The following COL4A4 variants were observed in gnomAD, a reference collection of about 807,000 sequenced individuals.
COL4A4 encodes collagen type IV alpha 4 chain.
In COL4A4, 105 loss-of-function variants were observed where a neutral mutation model predicts 192.9. The ratio of observed to expected loss-of-function variants is 0.54; its 90% CI spans 0.46 to 0.64. The LOEUF (loss-of-function observed/expected upper bound fraction) is 0.64. Ranked by LOEUF, COL4A4 falls within the 30% of genes least tolerant of loss-of-function variation. The pLI is 0.00. For synonymous variants in COL4A4, 762 were observed against 769.9 expected (o/e 0.99, Z 0.17); for missense variants, 1,967 against 2,169.3 (o/e 0.91, Z 1.85).
intron 37 of COL4A4, among the ~76,000 whole-genome samples, chr2:227,040,228 A>T (rs1970499760): frequency 6.6e-6 from 1 of 152,214 alleles, no homozygotes; most frequent in Non-Finnish European, 1.5e-5. Context: ...TATACGTATG[A>T]GTCAATGAGC....
At chr2:226,971,215 C>G in the COL4A4 span, among the ~76,000 whole-genome samples, 1 of 152,192 alleles carries the variant, frequency 6.6e-6, no homozygotes, top group South Asian at 2.1e-4. Flanking sequence ...TCCTGTTTCC[C>G]TCCTCACACC....
chr2:227,053,938 C>A (rs1366443715), intron 31 of COL4A4, among the ~76,000 whole-genome samples: 1 of 152,116 alleles, frequency 6.6e-6, no homozygotes, highest in Non-Finnish European at 1.5e-5. Flanking sequence ...TGGCAAACTG[C>A]AGCCCATGGG....
At chr2:227,149,973 T>C (rs1289211117) in intron 1 of COL4A4, among the ~76,000 whole-genome samples, 1 of 152,214 alleles carries the variant, frequency 6.6e-6, no homozygotes, top group Non-Finnish European at 1.5e-5. Context: ...TGCATTCTCA[T>C]CACATGTCCT....
intron 1 of COL4A4, among the ~76,000 whole-genome samples, 157 bp downstream of exon 1, chr2:227,163,849 GC>G (rs1178724345): frequency 1.3e-5 from 2 of 152,126 alleles, no homozygotes; most frequent in African/African-American, 2.4e-5. Flanking sequence ...AGGCAGACAA[GC>G]CCAGGAGCCA....
At chr2:226,996,373 T>C in the COL4A4 span, 1 of 152,246 alleles carries the variant, frequency 6.6e-6, no homozygotes, top group African/African-American at 2.4e-5. Context: ...CTCATAAAAG[T>C]GCCTCTTAAT....
rs781256511 is a variant in COL4A4 at position 227,008,120 on chromosome 2, G to A, written c.4707C>T (p.Cys1569=). ...IRPYVSRCAV[C]EAPAQAVAVH... is the part of the protein sequence containing the mutation. ...CCGCCACCGCCTGGGCCGGGGCCTCGCATACCGCACAGCGGCTGACATAGG... is the reference window on the plus strand; with the variant it reads ...CCGCCACCGCCTGGGCCGGGGCCTCACATACCGCACAGCGGCTGACATAGG... Residue 1569 remains cysteine (C), a synonymous_variant, in exon 47 of 48, where the codon TGC becomes TGT. Transcript: ENST00000396625. 23 of 1,613,988 alleles carry A rather than the reference G, an allele frequency of 1.4e-5. No homozygotes were observed. The East Asian group carries it at 2.7e-4, about 19-fold the overall frequency.
At chr2:227,111,337 T>C (rs560796849) in intron 9 of COL4A4, among the ~76,000 whole-genome samples, 20 of 152,302 alleles carry the variant, frequency 1.3e-4, no homozygotes, top group African/African-American at 4.8e-4. Context: ...ATACATGTAG[T>C]TGCTAAGTGG....
At position 227,147,445 on chromosome 2, in the gene COL4A4, G is replaced by A. The variant is rs2125388306; in HGVS notation, c.39C>T (p.Phe13=). 1 of 1,613,896 alleles carries A rather than the reference G, an allele frequency of 6.2e-7. No individual in the cohort carries two copies. Among genetic ancestry groups the A allele is most frequent in the Non-Finnish European group, 8.5e-7 (1 of 1,179,862 alleles). ...CTGTGGCCAAGGACTTGGTCAATCTGAAGGAGCACCTCATTAGTACTATGT... is the reference window on the plus strand; with the variant it reads ...CTGTGGCCAAGGACTTGGTCAATCTAAAGGAGCACCTCATTAGTACTATGT... The part of the protein sequence containing the change: ...SLHIVLMRCS[F]RLTKSLATGP... The change falls in exon 2 of 48, where the codon TTC becomes TTT. Residue 13 remains phenylalanine (F), a synonymous_variant. Transcript: ENST00000396625.
chr2:226,970,212 T>C, the COL4A4 span, among the ~76,000 whole-genome samples: 3 of 152,000 alleles, frequency 2.0e-5, no homozygotes. Flanking sequence ...TTTCCCCTTT[T>C]ACCTACTATT....
At position 227,060,125 on chromosome 2, in the gene COL4A4, A is replaced by AAAAAAAAAC. The variant is rs56381093; in HGVS notation, c.2164+10_2164+11insGTTTTTTTT. 7.0e-7 allele frequency: 1 copy of AAAAAAAAAC among 1,435,584 alleles called. No individual in the cohort carries two copies. The highest frequency in any genetic ancestry group is 9.6e-7 in the Non-Finnish European group (1 of 1,043,102). The allele number at this position is 1,435,584 out of a possible 1,614,324, so 88.9% of individuals were successfully genotyped here. On this transcript the variant is annotated intron_variant, in intron 27 of 47. Transcript: ENST00000396625. ...AGAAAAAAAAAAAAAAAAAAAAAAAACCTCACTGACCAGGTGGACCTGGTA... is the reference window on the plus strand; with the variant it reads ...AGAAAAAAAAAAAAAAAAAAAAAAAAAAAAAAAACCCTCACTGACCAGGTGGACCTGGTA...
rs185466258 is a variant in COL4A4, at chr2:227,114,555, C to A, written c.558+73G>T. The A allele has an allele frequency of 2.9e-4, 334 of 1,164,940 alleles. 1 individual carries two copies. In the Admixed American group the frequency reaches 5.5e-3, roughly 19 times the overall value. The allele number at this position is 1,164,940 out of a possible 1,614,324, so 72.2% of individuals were successfully genotyped here. ...GGGACATTTTGAAGAAAAATCCTGT[C>A]TGAGTATTTCCTGCATGGGCTTACC... On this transcript the variant is annotated intron_variant, in intron 8 of 47. Coordinates refer to ENST00000396625, the MANE Select transcript of COL4A4 (RefSeq NM_000092.5).
rs536188399 is a variant in COL4A4 at position 227,128,396 on chromosome 2, C to T, written c.193-7248G>A. 1.7e-4 allele frequency among the ~76,000 whole-genome samples: 26 copies of T among 152,196 alleles called. No individual in the cohort carries two copies. The South Asian group carries it at 5.4e-3, about 32-fold the overall frequency. ...GTTATTAATTGAATTAATTGAATAC[C>T]TCTATTTTTTGTGGTTCTCAAATTT... On this transcript the variant is annotated intron_variant, in intron 4 of 47. Transcript: ENST00000396625.
chr2:227,011,254 T>C (rs938001019), intron 45 of COL4A4, among the ~76,000 whole-genome samples: 3 of 152,200 alleles, frequency 2.0e-5, no homozygotes, highest in African/African-American at 7.2e-5. Context: ...TTTTGTGTTC[T>C]ACCCTTGGTT....
At chr2:227,065,240 C>T (rs538274239) in intron 25 of COL4A4, among the ~76,000 whole-genome samples, 1 of 152,192 alleles carries the variant, frequency 6.6e-6, no homozygotes, top group Admixed American at 6.5e-5. Context: ...GGGTCCTACG[C>T]CAGGCTGATT....
downstream of COL4A4, among the ~76,000 whole-genome samples, chr2:227,002,231 C>T (rs1268832054): frequency 6.6e-6 from 1 of 151,630 alleles, no homozygotes; most frequent in Non-Finnish European, 1.5e-5. Flanking sequence ...CTCCACCTAC[C>T]CCCATGTTGT....
chr2:227,102,434 T>C (rs554006870), intron 15 of COL4A4, among the ~76,000 whole-genome samples: 7 of 152,308 alleles, frequency 4.6e-5, no homozygotes, highest in South Asian at 2.1e-4. Context: ...GAGCTTAATA[T>C]TGTACTTTTT....
chr2:227,058,162 A>T (rs1321865776), intron 28 of COL4A4, among the ~76,000 whole-genome samples: 1 of 152,230 alleles, frequency 6.6e-6, no homozygotes, highest in Non-Finnish European at 1.5e-5. Flanking sequence ...GGAGCGCTTC[A>T]GATTGCATAT....
At chr2:227,077,819 TA>T in intron 25 of COL4A4, 74 bp downstream of exon 25, 1 of 1,342,098 alleles carries the variant, frequency 7.5e-7, no homozygotes, top group Non-Finnish European at 1.0e-6. Flanking sequence ...CACCACTATA[TA>T]ATTCTTCCAC....
At chr2:227,024,628 CAA>C (rs1457388610) in intron 43 of COL4A4, among the ~76,000 whole-genome samples, 3 of 152,180 alleles carry the variant, frequency 2.0e-5, no homozygotes, top group African/African-American at 7.2e-5. Context: ...GGCATAACAA[CAA>C]AGTTTTAGTC....
Sources: allele counts gnomAD v4.1 joint callset (sites outside exome capture counted in the v4.1 genomes callset), GRCh38; gene constraint gnomAD v4.1.1; transcripts MANE v1.5; gene names NCBI Gene and HGNC (gene_info 2026-07-23, HGNC 2026-07-21).